Variants in LAMP3 observed in about 807,000 individuals in gnomAD.
The protein encoded by LAMP3 is lysosome-associated membrane glycoprotein 3.
Under a neutral mutation model 34.8 loss-of-function variants are expected in LAMP3, and 26 were observed. The ratio of observed to expected loss-of-function variants is 0.75; its 90% CI spans 0.55 to 1.04. The LOEUF (loss-of-function observed/expected upper bound fraction) is 1.04. Ranked by LOEUF, LAMP3 falls within the 50% of genes least tolerant of loss-of-function variation. The probability of loss-of-function intolerance (pLI) is 0.00; values close to 1 mark genes in which losing one functional copy is unlikely to be tolerated. For synonymous variants in LAMP3, 180 were observed against 201.9 expected (o/e 0.89, Z 0.92); for missense variants, 495 against 524.0 (o/e 0.94, Z 0.54).
chr3:183,134,135 G>T (rs887450758), intron 5 of LAMP3, among the ~76,000 whole-genome samples: 7 of 152,200 alleles, frequency 4.6e-5, no homozygotes, highest in Non-Finnish European at 8.8e-5. Context: ...GAAATTTGAA[G>T]TGCAAAGACT....
At position 183,156,955 on chromosome 3, in the gene LAMP3, G is replaced by A. The variant is rs1011090254; in HGVS notation, c.50-2564C>T. On this transcript the variant is annotated intron_variant, in intron 1 of 5. Transcript: ENST00000265598. ...AGAAGACACAAAAGCAGAGGAGAGA[G>A]GAACAGGAGGGTGCCCTCCAGTGAC... Among the ~76,000 whole-genome samples the A allele has an allele frequency of 2.2e-4, 34 of 152,270 alleles. 1 individual carries two copies. The highest frequency in any genetic ancestry group is 7.7e-4 in the African/African-American group (32 of 41,556).
chr3:183,131,814 T>C, intron 5 of LAMP3: 2 of 642,484 alleles, frequency 3.1e-6, no homozygotes, highest in South Asian at 1.4e-4. Flanking sequence ...ATACCTCTCC[T>C]TTTTCTCTGA....
intron 1 of LAMP3, chr3:183,161,904 G>A (rs1326090054): frequency 1.6e-5 from 15 of 948,372 alleles, no homozygotes; most frequent in Non-Finnish European, 1.9e-5. Flanking sequence ...AAGGGCAGCT[G>A]GCACGACCCT....
chr3:183,136,511 C>T (rs1329472854), intron 4 of LAMP3, among the ~76,000 whole-genome samples: 1 of 152,044 alleles, frequency 6.6e-6, no homozygotes, highest in Non-Finnish European at 1.5e-5. Context: ...ATTAGCTGGG[C>T]GCGGTGGCAC....
chr3:183,135,423 G>A (rs1312234760), intron 5 of LAMP3, among the ~76,000 whole-genome samples: 1 of 152,208 alleles, frequency 6.6e-6, no homozygotes, highest in Non-Finnish European at 1.5e-5. Flanking sequence ...ATAAAGGGAA[G>A]TCGCAGGTGG....
In LAMP3 at chr3:183,154,054, T is replaced by A. The variant is rs751987854; in HGVS notation, c.387A>T (p.Leu129Phe). 1.2e-6 allele frequency: 2 copies of A among 1,613,998 alleles called. No homozygotes were observed. Among genetic ancestry groups the A allele is most frequent in the African/African-American group, 1.3e-5 (1 of 74,912 alleles). ...PVTEVTVGPS[L>F]APYSLPPTIT... ...TGGTGGGTGGCAGTGAATAAGGGGC[T>A]AAGCTAGGGCCGACTGTAACTTCAG... Residue 129 changes from leucine (L) to phenylalanine (F), a missense_variant, in exon 2 of 6, where the codon TTA becomes TTT. Transcript: ENST00000265598.
Position 183,162,649 on chromosome 3 carries a change from G to C in LAMP3, c.7C>G (p.Arg3Gly). Residue 3 changes from arginine to glycine, a missense_variant, in exon 1 of 6, where the codon CGG (arginine) becomes GGG (glycine). Coordinates refer to ENST00000265598, the MANE Select transcript of LAMP3 (RefSeq NM_014398.4). ...AGCGCGGCCGCCGCGCTGAGCTGCC[G>C]GGGCATGGTGGGCGCTGGGCGAGGT... MP[R>G]QLSAAAALFA... 2 of 1,540,166 alleles carry C rather than the reference G, an allele frequency of 1.3e-6. No homozygotes were observed. Among genetic ancestry groups the C allele is most frequent in the South Asian group, 1.2e-5 (1 of 83,642 alleles).
At chr3:183,129,731 T>A (rs1719862295) in intron 5 of LAMP3, among the ~76,000 whole-genome samples, 1 of 152,218 alleles carries the variant, frequency 6.6e-6, no homozygotes. Context: ...TTATGTTTTC[T>A]TTGTATTTTA....
At chr3:183,132,982 T>A (rs1455148825) in intron 5 of LAMP3, 1 of 973,360 alleles carries the variant, frequency 1.0e-6, no homozygotes, top group Non-Finnish European at 1.2e-6. Flanking sequence ...GAGTAACAAG[T>A]GTTACAGACT....
chr3:183,159,459 T>C (rs1720913978), intron 1 of LAMP3, among the ~76,000 whole-genome samples: 1 of 152,140 alleles, frequency 6.6e-6, no homozygotes. Context: ...CCTTGGAGAC[T>C]ACACACTGTC....
intron 5 of LAMP3, among the ~76,000 whole-genome samples, chr3:183,130,808 G>C (rs1273680318): frequency 6.6e-6 from 1 of 152,122 alleles, no homozygotes; most frequent in African/African-American, 2.4e-5. Context: ...CACTACCCTA[G>C]GTTGGAAAAC....
intron 5 of LAMP3, among the ~76,000 whole-genome samples, chr3:183,129,804 A>C (rs1719863912): frequency 6.6e-6 from 1 of 152,194 alleles, no homozygotes; most frequent in African/African-American, 2.4e-5. Context: ...CCCCAAATTT[A>C]CATGGTGAAG....
Position 183,153,720 on chromosome 3 carries a change from C to G in LAMP3, c.721G>C (p.Glu241Gln). 2 of 1,528,462 alleles carry G rather than the reference C, an allele frequency of 1.3e-6. No homozygotes were observed. The highest frequency in any genetic ancestry group is 8.8e-7 in the Non-Finnish European group (1 of 1,139,870). 94.7% of individuals were successfully genotyped at this position (1,528,462 alleles called of 1,614,324 possible). A position where few individuals can be genotyped will look rare whatever the true frequency, so the allele number is the denominator to read the frequency against. Residue 241 changes from glutamate to glutamine, a missense_variant, in exon 2 of 6, where the codon GAG becomes CAG. Glu to Gln is a conservative substitution (Grantham distance 29). Transcript: ENST00000265598. ...TGAACAATCAGCTGTATCCCCATCT[C>G]TGCTTTTATACAGAGTCTGCTTCCG... ...LNGSRLCIKA[E>Q]MGIQLIVQDK...
At chr3:183,135,523 C>G (rs1246061416) in intron 5 of LAMP3, among the ~76,000 whole-genome samples, 194 bp downstream of exon 5, 2 of 152,142 alleles carry the variant, frequency 1.3e-5, no homozygotes, top group Non-Finnish European at 2.9e-5. Flanking sequence ...GCGGGACAGC[C>G]GTGACTGGGT....
chr3:183,161,204 G>A (rs1326596762), intron 1 of LAMP3, among the ~76,000 whole-genome samples: 1 of 152,144 alleles, frequency 6.6e-6, no homozygotes, highest in Non-Finnish European at 1.5e-5. Context: ...GCTGGGAAGG[G>A]TCAGGGCAAG....
At position 183,154,211 on chromosome 3, in the gene LAMP3, G is replaced by T; in HGVS notation, c.230C>A (p.Thr77Lys). Residue 77 changes from threonine (T) to lysine (K), a missense_variant, in exon 2 of 6, where the codon ACA becomes AAA. By Grantham distance (78) the Thr-to-Lys change is moderately conservative. Coordinates refer to ENST00000265598, the MANE Select transcript of LAMP3 (RefSeq NM_014398.4). ...TGTTGGAATTTTTACTGTGGCCGCTGTTTGAAAGGTGATATGACCATCCAT... is the reference window on the plus strand; with the variant it reads ...TGTTGGAATTTTTACTGTGGCCGCTTTTTGAAAGGTGATATGACCATCCAT... ...RFMDGHITFQ[T>K]AATVKIPTTT... 6.2e-7 allele frequency: 1 copy of T among 1,614,140 alleles called. No homozygotes were observed. The highest frequency in any genetic ancestry group is 8.5e-7 in the Non-Finnish European group (1 of 1,180,024).
intron 3 of LAMP3, among the ~76,000 whole-genome samples, chr3:183,142,472 C>T (rs1397069081): frequency 1.3e-5 from 2 of 152,030 alleles, no homozygotes; most frequent in Non-Finnish European, 1.5e-5. Flanking sequence ...TCAGAATTCG[C>T]CACGTGCATG....
chr3:183,133,120 C>A (rs1478964165), intron 5 of LAMP3, among the ~76,000 whole-genome samples: 1 of 152,204 alleles, frequency 6.6e-6, no homozygotes, highest in Non-Finnish European at 1.5e-5. Flanking sequence ...AGGGTCAATA[C>A]AGTGGATCTG....
intron 3 of LAMP3, among the ~76,000 whole-genome samples, chr3:183,147,262 T>C (rs1720476219): frequency 6.8e-6 from 1 of 146,358 alleles, no homozygotes; most frequent in Non-Finnish European, 1.5e-5. Context: ...AAAAAAAAAA[T>C]ATTGAACAAC....
Sources: gnomAD v4.1 joint callset for allele counts (sites outside exome capture counted in the v4.1 genomes callset) on GRCh38, gnomAD v4.1.1 for gene constraint, MANE v1.5 for transcripts, NCBI Gene and HGNC (gene_info 2026-07-23, HGNC 2026-07-21) for gene names.